The following SFMBT2 variants were observed in gnomAD, a reference collection of about 807,000 sequenced individuals.
SFMBT2 encodes the protein Scm like with four mbt domains 2, also known as scm-like with four MBT domains protein 2.
In SFMBT2, 38 loss-of-function variants were observed where a neutral mutation model predicts 110.1. The observed-to-expected ratio is 0.35, with a 90% CI of 0.27 to 0.45. The LOEUF (loss-of-function observed/expected upper bound fraction) is 0.45. SFMBT2 is among the 20% of genes least tolerant of loss of function. The probability of loss-of-function intolerance (pLI) is 1.00; values close to 1 mark genes in which losing one functional copy is unlikely to be tolerated. For synonymous variants in SFMBT2, 425 were observed against 425.4 expected, an observed-to-expected ratio of 1.00 and a Z score of 0.01; for missense variants, 1,011 against 1,094.9, an observed-to-expected ratio of 0.92 and a Z score of 1.08.
At chr10:7,218,155 A>C (rs768938807) in intron 11 of SFMBT2, among the ~76,000 whole-genome samples, 1 of 152,254 alleles carries the variant, frequency 6.6e-6, no homozygotes, top group Non-Finnish European at 1.5e-5. Flanking sequence ...TTATAAATTT[A>C]AAGTGTCAAA....
Position 7,265,384 on chromosome 10 carries a change from T to C in SFMBT2, c.870+11508A>G, listed in dbSNP as rs188124228. Among the ~76,000 whole-genome samples the C allele has an allele frequency of 1.4e-3, 206 of 152,286 alleles. 1 individual carries two copies. Among genetic ancestry groups the C allele is most frequent in the Middle Eastern group, 6.8e-3 (2 of 294 alleles). On this transcript the variant is annotated intron_variant, in intron 7 of 20. Coordinates refer to ENST00000397167, the MANE Select transcript of SFMBT2 (RefSeq NM_001387889.1). ...GCCCGACTAATTTTTGTATATTGTG[T>C]AGAGATGGGGTTTCACCATGTTGCC...
chr10:7,264,447 C>T (rs1414940824), intron 7 of SFMBT2, among the ~76,000 whole-genome samples: 1 of 152,186 alleles, frequency 6.6e-6, no homozygotes, highest in African/African-American at 2.4e-5. Context: ...ACCAGGCACA[C>T]ATTTGCTCTG....
chr10:7,357,745 GC>G (rs773905000), intron 4 of SFMBT2, among the ~76,000 whole-genome samples: 14 of 152,306 alleles, frequency 9.2e-5, no homozygotes, highest in South Asian at 2.1e-4. Context: ...TACTCACCAA[GC>G]TTTAACATGA....
intron 4 of SFMBT2, among the ~76,000 whole-genome samples, chr10:7,366,216 A>C (rs894114569): frequency 2.6e-5 from 4 of 152,096 alleles, no homozygotes; most frequent in Non-Finnish European, 4.4e-5. Context: ...GAAAGAAAGA[A>C]GACCCTTTTT....
At chr10:7,308,711 A>G (rs1277283961) in intron 4 of SFMBT2, among the ~76,000 whole-genome samples, 1 of 152,150 alleles carries the variant, frequency 6.6e-6, no homozygotes, top group Non-Finnish European at 1.5e-5. Flanking sequence ...CTATTACTTG[A>G]TGTAAAACAT....
chr10:7,172,257 A>C lies in SFMBT2; in HGVS notation c.2152-99T>G, dbSNP rs1837903180. The C allele has an allele frequency of 1.4e-6, 2 of 1,468,526 alleles. No individual in the cohort carries two copies. The highest frequency in any genetic ancestry group is 1.8e-6 in the Non-Finnish European group (2 of 1,112,186). 91.0% of individuals were successfully genotyped at this position (1,468,526 alleles called of 1,614,324 possible). A position where few individuals can be genotyped will look rare whatever the true frequency, so the allele number is the denominator to read the frequency against. On this transcript the variant is annotated intron_variant, in intron 18 of 20. Transcript: ENST00000397167. The surrounding 1 kb of genome is among the most constrained non-coding windows in gnomAD (Gnocchi z 4.6). ...TGGGCCCAGTGCAGACCACCTAGCA[A>C]ACCCTCGGAAATGGAGCCAGTGGTC...
chr10:7,332,064 C>T (rs909226670), intron 4 of SFMBT2, among the ~76,000 whole-genome samples: 1 of 150,844 alleles, frequency 6.6e-6, no homozygotes, highest in African/African-American at 2.4e-5. Flanking sequence ...ACAGCTCTTC[C>T]AGACCTACAG....
intron 4 of SFMBT2, among the ~76,000 whole-genome samples, chr10:7,324,115 C>T (rs1843296709): frequency 2.0e-5 from 3 of 152,170 alleles, no homozygotes; most frequent in Admixed American, 1.3e-4. Flanking sequence ...TATGCACACA[C>T]AAAGTTGTCT....
chr10:7,192,141 G>A (rs1052315393), intron 15 of SFMBT2, among the ~76,000 whole-genome samples: 1 of 152,088 alleles, frequency 6.6e-6, no homozygotes, highest in African/African-American at 2.4e-5. Flanking sequence ...CGTAAGCCTG[G>A]CACATTATTC....
rs1844932704 is a variant in SFMBT2, at chr10:7,367,088, AC to A, written c.436+560del. ...TCTTTCTTTTTTTTTTTTTAATTATACCTTAAGTTTTAGGGCACAAGTGCTG... is the reference window on the plus strand; with the variant it reads ...TCTTTCTTTTTTTTTTTTTAATTATACTTAAGTTTTAGGGCACAAGTGCTG... On this transcript the variant is annotated intron_variant, in intron 4 of 20. Transcript: ENST00000397167. The surrounding 1 kb of genome is among the most constrained non-coding windows in gnomAD (Gnocchi z 6.2). 6.7e-6 allele frequency among the ~76,000 whole-genome samples: 1 copy of A among 149,488 alleles called. No individual in the cohort carries two copies.
chr10:7,352,049 C>CTTT (rs1844341232), intron 4 of SFMBT2, among the ~76,000 whole-genome samples: 1 of 151,598 alleles, frequency 6.6e-6, no homozygotes, highest in Admixed American at 6.6e-5. Context: ...TTTTTCTGGG[C>CTTT]TCCTTTCAGT....
At chr10:7,165,608 A>G (rs1053342867) in intron 20 of SFMBT2, among the ~76,000 whole-genome samples, 3 of 152,228 alleles carry the variant, frequency 2.0e-5, no homozygotes, top group African/African-American at 7.2e-5. Flanking sequence ...TTATTTTTAA[A>G]TTACAGATGA....
chr10:7,409,874 C>G (rs911193886), intron 1 of SFMBT2, among the ~76,000 whole-genome samples: 1 of 152,012 alleles, frequency 6.6e-6, no homozygotes, highest in Non-Finnish European at 1.5e-5. Flanking sequence ...TCCAAGAAAA[C>G]ACGAGTACGG....
chr10:7,190,039 T>A (rs116484713), intron 15 of SFMBT2, among the ~76,000 whole-genome samples: 3,314 of 152,308 alleles, frequency 0.022, 113 homozygotes, highest in African/African-American at 0.075. Flanking sequence ...GATTCACTCT[T>A]AAAATACTTT....
intron 12 of SFMBT2, chr10:7,205,365 A>G (rs1839095113): frequency 1.0e-6 from 1 of 974,736 alleles, no homozygotes; most frequent in Non-Finnish European, 1.2e-6. Context: ...TACTGAGATT[A>G]TAGGAATGAG....
intron 15 of SFMBT2, among the ~76,000 whole-genome samples, chr10:7,191,018 C>CGTCTTA (rs1172669082): frequency 1.7e-4 from 26 of 151,142 alleles, no homozygotes; most frequent in African/African-American, 6.1e-4. Context: ...TCGTCTGCTG[C>CGTCTTA]CATGTAAGAC....
At chr10:7,363,211 T>G (rs1418849369) in intron 4 of SFMBT2, among the ~76,000 whole-genome samples, 1 of 152,098 alleles carries the variant, frequency 6.6e-6, no homozygotes, top group East Asian at 1.9e-4. Context: ...ATCTGATGGT[T>G]TTATAAAGGG....
chr10:7,385,769 G>A (rs1328573531), intron 1 of SFMBT2, among the ~76,000 whole-genome samples: 4 of 152,234 alleles, frequency 2.6e-5, no homozygotes, highest in Non-Finnish European at 4.4e-5. Flanking sequence ...GGAGGCCGAG[G>A]CGGGCGGATC....
chr10:7,349,440 CTTTTTTTTT>C (rs369479041), intron 4 of SFMBT2, among the ~76,000 whole-genome samples: 5 of 46,888 alleles, frequency 1.1e-4, no homozygotes, highest in Non-Finnish European at 1.4e-4. Flanking sequence ...CTTTTCTTTT[CTTTTTTTTT>C]TTTTTTTTTT....
Sources: allele counts gnomAD v4.1 joint callset (sites outside exome capture counted in the v4.1 genomes callset), GRCh38; gene constraint gnomAD v4.1.1; non-coding constraint Gnocchi (gnomAD v3.1); transcripts MANE v1.5; gene names NCBI Gene and HGNC (gene_info 2026-07-23, HGNC 2026-07-21).